The following DLG2 variants were observed in gnomAD, a reference collection of about 807,000 sequenced individuals.
DLG2 encodes the protein disks large homolog 2.
In DLG2, 45 loss-of-function variants were observed where a neutral mutation model predicts 132.5. The observed-to-expected ratio is 0.34, with a 90% CI of 0.27 to 0.44. The LOEUF is 0.44. DLG2 is among the 20% of genes least tolerant of loss of function. The pLI, the probability that DLG2 is intolerant of heterozygous loss-of-function variation, is 1.00. For synonymous variants in DLG2, 424 were observed against 419.6 expected, an observed-to-expected ratio of 1.01 and a Z score of -0.13; for missense variants, 1,045 against 1,196.9, an observed-to-expected ratio of 0.87 and a Z score of 1.87.
chr11:84,624,202 G>A (rs1047389810), intron 6 of DLG2, among the ~76,000 whole-genome samples: 11 of 152,152 alleles, frequency 7.2e-5, no homozygotes, highest in African/African-American at 2.4e-4. Flanking sequence ...CAAAGAACTT[G>A]AGAAACTTCA....
chr11:83,560,558 G>C (rs925886525), intron 19 of DLG2, among the ~76,000 whole-genome samples: 4 of 152,142 alleles, frequency 2.6e-5, no homozygotes, highest in African/African-American at 9.7e-5. Context: ...ATTCTATTCA[G>C]TCTAAAATGT....
chr11:85,213,963 A>T (rs918379077), intron 4 of DLG2, among the ~76,000 whole-genome samples: 1 of 152,082 alleles, frequency 6.6e-6, no homozygotes, highest in Non-Finnish European at 1.5e-5. Flanking sequence ...CTCAGTTCAT[A>T]TTTCTAACCC....
At chr11:85,073,122 A>G (rs573032065) in intron 6 of DLG2, among the ~76,000 whole-genome samples, 64 of 152,042 alleles carry the variant, frequency 4.2e-4, no homozygotes, top group African/African-American at 1.4e-3. Flanking sequence ...TTAAAAATAC[A>G]TATTTTCCCT....
chr11:85,622,452 C>G (rs2081782164), intron 2 of DLG2, among the ~76,000 whole-genome samples: 1 of 151,532 alleles, frequency 6.6e-6, no homozygotes, highest in Non-Finnish European at 1.5e-5. Context: ...ATTTTAAGAA[C>G]TTAAGAAAAA....
At chr11:84,642,061 C>T (rs1207771154) in intron 6 of DLG2, among the ~76,000 whole-genome samples, 1 of 128,798 alleles carries the variant, frequency 7.8e-6, no homozygotes, top group Non-Finnish European at 1.6e-5. Context: ...TATATATACG[C>T]ACGCGTGTGT....
At chr11:85,331,999 G>A (rs2081790047) in intron 3 of DLG2, among the ~76,000 whole-genome samples, 1 of 152,164 alleles carries the variant, frequency 6.6e-6, no homozygotes, top group Non-Finnish European at 1.5e-5. Context: ...GGCATTGCTG[G>A]ATTGAATGGT....
At chr11:85,552,649 C>T (rs950442528) in intron 3 of DLG2, among the ~76,000 whole-genome samples, 6 of 151,426 alleles carry the variant, frequency 4.0e-5, no homozygotes, top group Non-Finnish European at 7.4e-5. Flanking sequence ...TTTTAAATCT[C>T]AATGTATAGA....
intron 6 of DLG2, among the ~76,000 whole-genome samples, chr11:85,079,458 A>C (rs2066959889): frequency 6.6e-6 from 1 of 151,190 alleles, no homozygotes; most frequent in African/African-American, 2.4e-5. Context: ...GAAGGGATCA[A>C]TTCAGTTGGT....
intron 4 of DLG2, among the ~76,000 whole-genome samples, chr11:85,224,303 G>A (rs1318354826): frequency 6.6e-6 from 1 of 152,160 alleles, no homozygotes; most frequent in Non-Finnish European, 1.5e-5. Flanking sequence ...CATGATAAGA[G>A]TAGGTCTCAT....
intron 21 of DLG2, among the ~76,000 whole-genome samples, chr11:83,492,191 C>A (rs1211569926): frequency 6.6e-6 from 1 of 152,050 alleles, no homozygotes; most frequent in East Asian, 1.9e-4. Flanking sequence ...GTTGCCCAAT[C>A]AAATGTTGAT....
chr11:83,888,309 GACAA>G (rs1178667531), intron 15 of DLG2, among the ~76,000 whole-genome samples: 1 of 152,036 alleles, frequency 6.6e-6, no homozygotes, highest in African/African-American at 2.4e-5. Flanking sequence ...ACAAATAACA[GACAA>G]ACAGAGAGCC....
intron 19 of DLG2, among the ~76,000 whole-genome samples, chr11:83,584,693 T>A (rs1369880342): frequency 6.6e-6 from 1 of 152,204 alleles, no homozygotes; most frequent in Non-Finnish European, 1.5e-5. Context: ...AGCAATACGC[T>A]GAGCCATTGC....
At chr11:84,896,167 A>G (rs2090160046) in intron 6 of DLG2, among the ~76,000 whole-genome samples, 2 of 152,044 alleles carry the variant, frequency 1.3e-5, no homozygotes, top group Non-Finnish European at 2.9e-5. Flanking sequence ...CATTTTGTAG[A>G]CTTCTATTTC....
intron 3 of DLG2, among the ~76,000 whole-genome samples, chr11:85,400,093 C>A (rs1267061438): frequency 6.6e-6 from 1 of 151,964 alleles, no homozygotes; most frequent in African/African-American, 2.4e-5. Flanking sequence ...AAGAAAAAAA[C>A]AAACAACCCC....
rs574142804 is a variant in DLG2 at position 84,801,298 on chromosome 11, G to A, written c.358-266567C>T. Among the ~76,000 whole-genome samples the A allele has an allele frequency of 5.3e-5, 8 of 152,250 alleles. No individual in the cohort carries two copies. In the East Asian group the frequency reaches 1.2e-3, roughly 22 times the overall value. On this transcript the variant is annotated intron_variant, in intron 6 of 27. Coordinates refer to ENST00000376104, the MANE Select transcript of DLG2 (RefSeq NM_001142699.3). ...GAAAATTGTTTAATTGAGGCCAGGC[G>A]CCATGACTCACGCCTGTATTCCTAG... is the stretch of plus-strand genomic sequence containing the variant.
intron 22 of DLG2, among the ~76,000 whole-genome samples, chr11:83,478,447 T>C (rs1410091949): frequency 6.6e-6 from 1 of 152,100 alleles, no homozygotes; most frequent in Non-Finnish European, 1.5e-5. Flanking sequence ...GTGTTTCCTT[T>C]ATTCATTCAA....
chr11:84,536,440 G>A (rs776929524), intron 6 of DLG2, among the ~76,000 whole-genome samples: 8 of 151,968 alleles, frequency 5.3e-5, no homozygotes, highest in African/African-American at 7.3e-5. Flanking sequence ...GAGAATACAC[G>A]ACACAATGAG....
intron 5 of DLG2, among the ~76,000 whole-genome samples, chr11:85,146,890 C>T (rs542373218): frequency 2.6e-5 from 4 of 152,210 alleles, no homozygotes; most frequent in Non-Finnish European, 4.4e-5. Context: ...ACCCCAAACT[C>T]AGGTTCCTAC....
intron 6 of DLG2, among the ~76,000 whole-genome samples, chr11:84,881,843 C>A (rs994176670): frequency 6.6e-6 from 1 of 152,092 alleles, no homozygotes; most frequent in African/African-American, 2.4e-5. Context: ...TAGGCCTACA[C>A]CTCTTATAAC....
Sources: gnomAD v4.1 joint callset for allele counts (sites outside exome capture counted in the v4.1 genomes callset) on GRCh38, gnomAD v4.1.1 for gene constraint, MANE v1.5 for transcripts, NCBI Gene and HGNC (gene_info 2026-07-23, HGNC 2026-07-21) for gene names.